The following MGA variants were observed in gnomAD, a reference collection of about 807,000 sequenced individuals.
MGA encodes the protein MAX gene-associated protein.
MGA carries 40 observed loss-of-function variants against 261.1 expected under a neutral mutation model. That is an observed-to-expected ratio of 0.15 (90% CI 0.12 to 0.20). The LOEUF is 0.20. Ranked by LOEUF, MGA falls within the 10% of genes least tolerant of loss-of-function variation. MGA has a pLI of 1.00. For missense variants in MGA, 3,397 were observed against 3,630.5 expected, an observed-to-expected ratio of 0.94 and a Z score of 1.65; for synonymous variants, 1,302 against 1,290.6, an observed-to-expected ratio of 1.01 and a Z score of -0.19.
Position 41,768,746 on chromosome 15 carries a change from T to G in MGA, c.*1466T>G, listed in dbSNP as rs1237390522. 6.6e-6 allele frequency: 1 copy of G among 152,498 alleles called. No individual in the cohort carries two copies. Among genetic ancestry groups the G allele is most frequent in the Non-Finnish European group, 1.5e-5 (1 of 68,034 alleles). The allele number at this position is 152,498 out of a possible 1,614,324, so 9.4% of individuals were successfully genotyped here. On this transcript the variant is annotated 3_prime_UTR_variant, in exon 24 of 24. Transcript: ENST00000219905. ...ATTTCTTCTATATCTCCTGTCTTCT[T>G]TATCCCAAATCCCACTCAGCATATC...
chr15:41,760,840 G>A (rs188824990), intron 20 of MGA, among the ~76,000 whole-genome samples: 4 of 152,256 alleles, frequency 2.6e-5, no homozygotes, highest in South Asian at 2.1e-4. Flanking sequence ...GGGTTCAAGC[G>A]ATTCTCTTGC....
At chr15:41,736,113 T>C in intron 12 of MGA, 68 bp from the exon 13 acceptor site, 1 of 1,301,254 alleles carries the variant, frequency 7.7e-7, no homozygotes, top group South Asian at 1.7e-5. Context: ...TTTCAGAGTT[T>C]CATACAAAAT....
At chr15:41,715,137 C>CTTTTT (rs766195852) in intron 9 of MGA, among the ~76,000 whole-genome samples, 9 of 124,558 alleles carry the variant, frequency 7.2e-5, no homozygotes, top group Non-Finnish European at 1.5e-4. Context: ...TGGTTTCTGT[C>CTTTTT]TTTTTTTTTT....
At position 41,748,931 on chromosome 15, in the gene MGA, T is replaced by C. The variant is rs771544838; in HGVS notation, c.5503+4T>C. The stretch of plus-strand genomic sequence containing the variant: ...CCTGTCATGTTTCGGAACCCAGGTA[T>C]AAAGTTCTTTTTTATGAACTTTTCT... On this transcript the variant is annotated splice_donor_region_variant and intron_variant, in intron 16 of 23. Coordinates refer to ENST00000219905, the MANE Select transcript of MGA (RefSeq NM_001164273.2). The C allele has an allele frequency of 6.2e-7, 1 of 1,611,104 alleles. No homozygotes were observed. The highest frequency in any genetic ancestry group is 1.1e-5 in the South Asian group (1 of 90,634).
intron 9 of MGA, among the ~76,000 whole-genome samples, chr15:41,714,008 TGATGTA>T (rs1319103774): frequency 6.6e-6 from 1 of 152,170 alleles, no homozygotes; most frequent in African/African-American, 2.4e-5. Context: ...GGATAAAATA[TGATGTA>T]GATGTAGACC....
chr15:41,749,287 G>A lies in MGA; in HGVS notation c.5680G>A (p.Val1894Met), dbSNP rs774042250. The A allele has an allele frequency of 6.2e-7, 1 of 1,613,976 alleles. No individual in the cohort carries two copies. Among genetic ancestry groups the A allele is most frequent in the Non-Finnish European group, 8.5e-7 (1 of 1,179,894 alleles). ...ATTGCTTTCCTCTGGAGCTAGTTTTGTGTCTCAGGCTGGTACATTGACCCT... is the reference window on the plus strand; with the variant it reads ...ATTGCTTTCCTCTGGAGCTAGTTTTATGTCTCAGGCTGGTACATTGACCCT... The change falls in exon 17 of 24, where the codon GTG (valine) becomes ATG (methionine). Residue 1894 changes from valine to methionine, a missense_variant. By Grantham distance (21) the Val-to-Met change is conservative. This residue lies in a region of MGA where 1,410 missense variants were observed against 1,386.4 expected (regional missense o/e 1.02). Transcript: ENST00000219905.
chr15:41,761,159 A>G (rs1031228503), intron 20 of MGA, among the ~76,000 whole-genome samples: 3 of 152,222 alleles, frequency 2.0e-5, no homozygotes, highest in African/African-American at 4.8e-5. Flanking sequence ...TTCTCGTTAC[A>G]TTGGTGTTCT....
chr15:41,766,889 A>T lies in MGA; in HGVS notation c.8807A>T (p.Asp2936Val), dbSNP rs759728244. ...ATTGTTATTGACTCTGAAATAAAGG[A>T]TTCCCTCCTTTCCAACAAGAAAGCT... is the stretch of plus-strand genomic sequence containing the variant. Residue 2936 changes from aspartate to valine, a missense_variant, in exon 24 of 24, where the codon GAT becomes GTT. By Grantham distance (152) the Asp-to-Val change is radical. Coordinates refer to ENST00000219905, the MANE Select transcript of MGA (RefSeq NM_001164273.2). The T allele has an allele frequency of 6.2e-7, 1 of 1,614,030 alleles. No homozygotes were observed. Among genetic ancestry groups the T allele is most frequent in the South Asian group, 1.1e-5 (1 of 91,080 alleles).
In MGA at chr15:41,668,996, C is replaced by T. The variant is rs1295984669; in HGVS notation, c.102C>T (p.Gly34=). The T allele has an allele frequency of 6.2e-7, 1 of 1,613,550 alleles. No individual in the cohort carries two copies. The highest frequency in any genetic ancestry group is 8.5e-7 in the Non-Finnish European group (1 of 1,179,572). Residue 34 remains glycine (G), a synonymous_variant, in exon 2 of 24, where the codon GGC becomes GGT. Transcript: ENST00000219905. The stretch of plus-strand genomic sequence containing the variant: ...TCATCTTAAAGCAGCCAGGAAATGG[C>T]AAAACTGATCAAGGAATTTTGGTTA...
chr15:41,751,208 A>G (rs1347895572), intron 17 of MGA: 1 of 152,082 alleles, frequency 6.6e-6, no homozygotes, highest in Non-Finnish European at 1.5e-5. Flanking sequence ...GCCTATTTTT[A>G]TTATTTTCCT....
Position 41,748,926 on chromosome 15 carries a change from A to G in MGA, c.5502A>G (p.Pro1834=). The G allele has an allele frequency of 1.2e-6, 2 of 1,612,398 alleles. No individual in the cohort carries two copies. Among genetic ancestry groups the G allele is most frequent in the Admixed American group, 1.7e-5 (1 of 59,720 alleles). The change falls in exon 16 of 24, where the codon CCA becomes CCG. Residue 1834 remains proline (P), a splice_region_variant and synonymous_variant. Transcript: ENST00000219905. ...TACAGCCTGTCATGTTTCGGAACCC[A>G]GGTATAAAGTTCTTTTTTATGAACT...
rs1217078261 is a variant in MGA at position 41,742,733 on chromosome 15, C to T, written c.4773C>T (p.Ser1591=). Residue 1591 remains serine, a synonymous_variant, in exon 15 of 24, where the codon AGC becomes AGT. Coordinates refer to ENST00000219905, the MANE Select transcript of MGA (RefSeq NM_001164273.2). Reference sequence around the variant, plus strand: ...CTTCTGAGCCAGTTCAGGTGTGCAGCCCTGTGACTGCTGCTGTCACTACTA... The same window carrying T: ...CTTCTGAGCCAGTTCAGGTGTGCAGTCCTGTGACTGCTGCTGTCACTACTA... 2 of 1,613,846 alleles carry T rather than the reference C, an allele frequency of 1.2e-6. No homozygotes were observed. The highest frequency in any genetic ancestry group is 1.3e-5 in the African/African-American group (1 of 74,902).
intron 14 of MGA, among the ~76,000 whole-genome samples, chr15:41,740,561 T>A (rs2062034588): frequency 6.6e-6 from 1 of 152,124 alleles, no homozygotes; most frequent in Non-Finnish European, 1.5e-5. Context: ...GGAAGACATT[T>A]AAAAATAGTT....
rs565548940 is a variant in MGA at position 41,711,184 on chromosome 15, A to ACAG, written c.2931_2933dup (p.Gln981dup). ...CAAAGCAGATTAGTTTGCGGCAGGC[A>ACAG]CAGCAGCAGCAGCAACAGCAACAGG... On this transcript the variant is annotated inframe_insertion, in exon 8 of 24. Transcript: ENST00000219905. 2.1e-4 allele frequency: 345 copies of ACAG among 1,613,902 alleles called. 1 individual carries two copies. In the South Asian group the frequency reaches 3.1e-3, roughly 14 times the overall value.
At chr15:41,734,129 A>T (rs2061652985) in intron 11 of MGA, among the ~76,000 whole-genome samples, 1 of 151,488 alleles carries the variant, frequency 6.6e-6, no homozygotes. Flanking sequence ...GGCTGGTTTG[A>T]ACTCCTGGGC....
At chr15:41,639,196 C>A (rs1385005450) in intron 1 of MGA, among the ~76,000 whole-genome samples, 1 of 152,118 alleles carries the variant, frequency 6.6e-6, no homozygotes, top group Non-Finnish European at 1.5e-5. Context: ...TGACTTCACC[C>A]TTTTCTTTTG....
intron 17 of MGA, chr15:41,751,972 C>G (rs2062859181): frequency 1.3e-5 from 2 of 152,156 alleles, no homozygotes; most frequent in African/African-American, 4.8e-5. Context: ...TCTGTTATTG[C>G]TTAACTGCTT....
intron 12 of MGA, among the ~76,000 whole-genome samples, 158 bp downstream of exon 12, chr15:41,734,752 T>TC (rs1197960678): frequency 2.0e-5 from 3 of 152,316 alleles, no homozygotes; most frequent in East Asian, 3.9e-4. Context: ...AAGTTTTTTT[T>TC]CCCCATTATT....
rs1296380028 is a variant in MGA at position 41,758,801 on chromosome 15, T to G, written c.7191+962T>G. On this transcript the variant is annotated intron_variant, in intron 19 of 23. Transcript: ENST00000219905. ...TAGAGTTTTTGGTTACGGTCAGAGT[T>G]ACGATTAAGCAAACAGTGTCAGAAA... is the stretch of plus-strand genomic sequence containing the variant. Among the ~76,000 whole-genome samples, 9 of 152,136 alleles carry G rather than the reference T, an allele frequency of 5.9e-5. No homozygotes were observed. In the South Asian group the frequency reaches 1.9e-3, roughly 32 times the overall value.
Sources: allele counts gnomAD v4.1 joint callset (sites outside exome capture counted in the v4.1 genomes callset), GRCh38; gene constraint gnomAD v4.1.1; regional missense constraint gnomAD v4.1.1; transcripts MANE v1.5; gene names NCBI Gene and HGNC (gene_info 2026-07-23, HGNC 2026-07-21).